VPS50: variants seen among roughly 807,000 people sequenced by gnomAD.
VPS50 encodes syndetin.
In VPS50, 70 loss-of-function variants were observed where a neutral mutation model predicts 139.7. That is an observed-to-expected ratio of 0.50 (90% CI 0.41 to 0.61). The LOEUF is 0.61. Among genes scored for constraint, VPS50 ranks in the 20% least tolerant of loss-of-function variants. The probability of loss-of-function intolerance (pLI) is 0.00; values close to 1 mark genes in which losing one functional copy is unlikely to be tolerated. For missense variants in VPS50, 921 were observed against 1,133.7 expected (o/e 0.81, Z 2.69); for synonymous variants, 365 against 376.7 (o/e 0.97, Z 0.36).
chr7:93,314,892 T>C (rs1584460108), intron 20 of VPS50, among the ~76,000 whole-genome samples: 1 of 151,750 alleles, frequency 6.6e-6, no homozygotes, highest in East Asian at 1.9e-4. Flanking sequence ...TTCTCAGCAG[T>C]TTAGTTTGCT....
intron 1 of VPS50, among the ~76,000 whole-genome samples, chr7:93,233,386 T>C (rs991351517): frequency 3.9e-5 from 6 of 152,242 alleles, no homozygotes; most frequent in African/African-American, 1.4e-4. Flanking sequence ...TTTAGAAGTT[T>C]GGAGAATGTG....
At chr7:93,282,462 G>A (rs77556815) in intron 12 of VPS50, among the ~76,000 whole-genome samples, 250 of 152,192 alleles carry the variant, frequency 1.6e-3, no homozygotes, top group Non-Finnish European at 2.9e-3. Context: ...GTCTGTCAAA[G>A]CTTTACATTT....
chr7:93,270,414 C>G (rs1057366288), intron 9 of VPS50, among the ~76,000 whole-genome samples: 1 of 152,006 alleles, frequency 6.6e-6, no homozygotes, highest in Non-Finnish European at 1.5e-5. Flanking sequence ...TTTTTACTGA[C>G]TTCTTTTGCC....
At chr7:93,299,394 A>T (rs1796909875) in intron 16 of VPS50, among the ~76,000 whole-genome samples, 1 of 152,216 alleles carries the variant, frequency 6.6e-6, no homozygotes, top group Non-Finnish European at 1.5e-5. Context: ...CAGTCATTCT[A>T]CATAAATACT....
intron 22 of VPS50, among the ~76,000 whole-genome samples, chr7:93,336,175 T>C (rs1368364335): frequency 5.3e-5 from 8 of 152,246 alleles, no homozygotes; most frequent in African/African-American, 1.9e-4. Context: ...TTTTTCCTTA[T>C]ATTTCTCTTG....
intron 3 of VPS50, 36 bp from the exon 4 acceptor site, chr7:93,253,824 A>G: frequency 8.2e-7 from 1 of 1,226,424 alleles, no homozygotes; most frequent in Non-Finnish European, 1.2e-6. Flanking sequence ...TAAACAATTT[A>G]TTTTTTCCTC....
chr7:93,327,421 A>G (rs1055011875), intron 21 of VPS50, among the ~76,000 whole-genome samples: 1 of 152,186 alleles, frequency 6.6e-6, no homozygotes, highest in African/African-American at 2.4e-5. Context: ...GGTTTTGGGC[A>G]TGATTTCCCA....
intron 12 of VPS50, among the ~76,000 whole-genome samples, chr7:93,290,874 A>G (rs376677750): frequency 3.3e-5 from 5 of 152,170 alleles, no homozygotes; most frequent in East Asian, 1.9e-4. Flanking sequence ...ACCACACACC[A>G]TGGCAATACT....
intron 18 of VPS50, among the ~76,000 whole-genome samples, chr7:93,307,493 T>C (rs896144751): frequency 7.2e-5 from 11 of 151,962 alleles, no homozygotes; most frequent in African/African-American, 2.7e-4. Flanking sequence ...GCCTTGTTTG[T>C]ATTCAGCTGG....
intron 25 of VPS50, among the ~76,000 whole-genome samples, chr7:93,353,236 A>C (rs557687468): frequency 5.0e-4 from 76 of 152,206 alleles, no homozygotes; most frequent in Non-Finnish European, 9.8e-4. Context: ...AATCACAAAT[A>C]GTTCTGAACT....
intron 23 of VPS50, among the ~76,000 whole-genome samples, chr7:93,344,855 A>G (rs1387629456): frequency 2.6e-5 from 4 of 152,038 alleles, no homozygotes; most frequent in African/African-American, 9.7e-5. Context: ...TTATAGCACT[A>G]AATGCCCACA....
intron 22 of VPS50, among the ~76,000 whole-genome samples, chr7:93,336,965 A>C (rs1350212392): frequency 6.6e-6 from 1 of 152,202 alleles, no homozygotes; most frequent in Non-Finnish European, 1.5e-5. Context: ...TTAAGGTTTC[A>C]TTTTTCAATC....
At chr7:93,338,034 C>T (rs1167889391) in intron 22 of VPS50, among the ~76,000 whole-genome samples, 1 of 152,044 alleles carries the variant, frequency 6.6e-6, no homozygotes, top group Non-Finnish European at 1.5e-5. Context: ...TCTACCAGTT[C>T]CTTTATTCAT....
At chr7:93,257,134 G>A (rs1402896814) in intron 5 of VPS50, among the ~76,000 whole-genome samples, 3 of 152,046 alleles carry the variant, frequency 2.0e-5, no homozygotes, top group African/African-American at 7.2e-5. Flanking sequence ...TCTACAAGAA[G>A]TTGGGTCTAG....
At chr7:93,274,849 G>A (rs1584415248) in intron 11 of VPS50, among the ~76,000 whole-genome samples, 1 of 152,112 alleles carries the variant, frequency 6.6e-6, no homozygotes. Flanking sequence ...TCTCAGGAAA[G>A]TCAATTGAAA....
intron 14 of VPS50, among the ~76,000 whole-genome samples, chr7:93,296,408 T>C (rs1796811557): frequency 6.6e-6 from 1 of 152,204 alleles, no homozygotes; most frequent in African/African-American, 2.4e-5. Context: ...GTTTCTGACT[T>C]AGTCTCCCAA....
At chr7:93,268,576 T>G (rs891103565) in intron 9 of VPS50, among the ~76,000 whole-genome samples, 1 of 152,108 alleles carries the variant, frequency 6.6e-6, no homozygotes, top group Non-Finnish European at 1.5e-5. Flanking sequence ...GAACATGTGG[T>G]GTTTGGTTTT....
At chr7:93,281,590 T>C (rs1185391102) in intron 12 of VPS50, among the ~76,000 whole-genome samples, 2 of 152,166 alleles carry the variant, frequency 1.3e-5, no homozygotes, top group African/African-American at 4.8e-5. Flanking sequence ...CCTTTTTCTG[T>C]TTTCCGACTT....
intron 23 of VPS50, among the ~76,000 whole-genome samples, chr7:93,343,208 C>T (rs1442940475): frequency 3.3e-5 from 5 of 151,974 alleles, no homozygotes; most frequent in South Asian, 4.2e-4. Context: ...GGAGCCGATG[C>T]GATCAACTGG....
Sources: allele counts gnomAD v4.1 joint callset (sites outside exome capture counted in the v4.1 genomes callset), GRCh38; gene constraint gnomAD v4.1.1; transcripts MANE v1.5; gene names NCBI Gene and HGNC (gene_info 2026-07-23, HGNC 2026-07-21).